Variants in PNPT1 observed in about 807,000 individuals in gnomAD.
The protein encoded by PNPT1 is polyribonucleotide nucleotidyltransferase 1, mitochondrial.
Under a neutral mutation model 119.5 loss-of-function variants are expected in PNPT1, and 53 were observed. The ratio of observed to expected loss-of-function variants is 0.44; its 90% CI spans 0.36 to 0.56. PNPT1 has a LOEUF of 0.56. Ranked by LOEUF, PNPT1 falls within the 20% of genes least tolerant of loss-of-function variation. The pLI, the probability that PNPT1 is intolerant of heterozygous loss-of-function variation, is 0.00. For missense variants in PNPT1, 948 were observed against 938.5 expected (o/e 1.01, Z -0.13); for synonymous variants, 357 against 322.1 (o/e 1.11, Z -1.16).
At chr2:55,692,803 T>C (rs1055146710) in intron 1 of PNPT1, among the ~76,000 whole-genome samples, 4 of 152,298 alleles carry the variant, frequency 2.6e-5, no homozygotes, top group African/African-American at 4.8e-5. Context: ...ATCAATTAGA[T>C]TGGATGACAT....
intron 5 of PNPT1, among the ~76,000 whole-genome samples, chr2:55,681,769 C>T (rs1381732986): frequency 6.9e-6 from 1 of 145,130 alleles, no homozygotes; most frequent in African/African-American, 2.6e-5. Context: ...CACTTGAACC[C>T]GGAGGCAGAG....
chr2:55,646,227 G>C, intron 21 of PNPT1, 32 bp downstream of exon 21: 2 of 1,575,462 alleles, frequency 1.3e-6, no homozygotes, highest in Non-Finnish European at 1.7e-6. Flanking sequence ...AAGTGGAAAA[G>C]AATGAAGGGA....
chr2:55,662,781 C>T (rs1696617493), intron 13 of PNPT1, among the ~76,000 whole-genome samples: 1 of 152,072 alleles, frequency 6.6e-6, no homozygotes, highest in Non-Finnish European at 1.5e-5. Context: ...CAGAAAACAA[C>T]CTACAATGAA....
At chr2:55,672,074 A>G (rs765378415) in intron 9 of PNPT1, 28 bp from the exon 10 acceptor site, 135 of 1,533,954 alleles carry the variant, frequency 8.8e-5, no homozygotes, top group Non-Finnish European at 4.1e-5. Context: ...AAATGTTAGC[A>G]TAATAATATC....
At chr2:55,665,190 T>C (rs1270529147) in intron 13 of PNPT1, among the ~76,000 whole-genome samples, 1 of 152,164 alleles carries the variant, frequency 6.6e-6, no homozygotes, top group Admixed American at 6.5e-5. Flanking sequence ...TCACAAGTCA[T>C]TGAGAAAAAT....
intron 1 of PNPT1, among the ~76,000 whole-genome samples, chr2:55,690,199 A>G (rs1697546617): frequency 6.6e-6 from 1 of 152,238 alleles, no homozygotes; most frequent in East Asian, 1.9e-4. Context: ...TGAAATAGGC[A>G]GCACTATTAG....
intron 13 of PNPT1, among the ~76,000 whole-genome samples, chr2:55,663,344 AGAGAG>A (rs1696639488): frequency 1.3e-5 from 2 of 152,252 alleles, no homozygotes; most frequent in African/African-American, 2.4e-5. Flanking sequence ...AATTTGCAGA[AGAGAG>A]GAAAGAGAAC....
chr2:55,636,933 T>C (rs1322255484), intron 27 of PNPT1, among the ~76,000 whole-genome samples: 1 of 152,184 alleles, frequency 6.6e-6, no homozygotes, highest in East Asian at 1.9e-4. Flanking sequence ...AGAGATACTA[T>C]ATCTTAGCAC....
intron 27 of PNPT1, 46 bp from the exon 28 acceptor site, chr2:55,636,438 G>A (rs1270249610): frequency 2.5e-6 from 4 of 1,586,468 alleles, no homozygotes; most frequent in Non-Finnish European, 3.5e-6. Context: ...AGCACATTGA[G>A]TGACATCTAA....
intron 5 of PNPT1, among the ~76,000 whole-genome samples, chr2:55,681,395 A>T (rs1160046888): frequency 6.6e-6 from 1 of 151,926 alleles, no homozygotes; most frequent in Non-Finnish European, 1.5e-5. Context: ...TGCCAGAGTG[A>T]GAATCTGTCT....
chr2:55,673,125 T>G, intron 8 of PNPT1, 46 bp from the exon 9 acceptor site: 1 of 1,413,884 alleles, frequency 7.1e-7, no homozygotes, highest in Non-Finnish European at 9.5e-7. Context: ...ATCGAAGCTC[T>G]TAGTAATATA....
intron 15 of PNPT1, among the ~76,000 whole-genome samples, chr2:55,659,521 CTTTT>C: frequency 6.9e-6 from 1 of 145,816 alleles, no homozygotes; most frequent in African/African-American, 2.5e-5. Context: ...ACAGGCATGA[CTTTT>C]TTTTTTTTAA....
intron 25 of PNPT1, 47 bp downstream of exon 25, chr2:55,643,111 C>A: frequency 6.2e-7 from 1 of 1,600,656 alleles, no homozygotes; most frequent in Non-Finnish European, 8.6e-7. Context: ...GAGACCCTGT[C>A]TCTAAAGAAA....
At position 55,646,277 on chromosome 2, in the gene PNPT1, C is replaced by A; in HGVS notation, c.1720G>T (p.Ala574Ser). The A allele has an allele frequency of 6.2e-6, 10 of 1,613,164 alleles. No homozygotes were observed. The highest frequency in any genetic ancestry group is 8.5e-6 in the Non-Finnish European group (10 of 1,179,382). ...AGCTCACCTGAAGCTTGTTGAATAG[C>A]CTCCATCACAATTTTTATTGGTATT... Reference protein sequence around the residue: ...PGIPIKIVMEAIQQASVAKKE... With the variant: ...PGIPIKIVMESIQQASVAKKE... The change falls in exon 21 of 28, where the codon GCT becomes TCT. Residue 574 changes from alanine (A) to serine (S), a missense_variant. Transcript: ENST00000447944.
intron 21 of PNPT1, among the ~76,000 whole-genome samples, chr2:55,646,047 C>G (rs1335180200): frequency 1.3e-5 from 2 of 152,014 alleles, no homozygotes; most frequent in Admixed American, 6.6e-5. Context: ...AGGCTGGTCT[C>G]GAACTCCTGA....
intron 18 of PNPT1, among the ~76,000 whole-genome samples, chr2:55,650,420 C>A (rs1033760439): frequency 2.0e-5 from 3 of 152,216 alleles, no homozygotes; most frequent in Non-Finnish European, 4.4e-5. Context: ...GCCGGGATTG[C>A]AGACGGAGTC....
At chr2:55,657,661 C>T (rs1231673993) in intron 15 of PNPT1, among the ~76,000 whole-genome samples, 1 of 151,418 alleles carries the variant, frequency 6.6e-6, no homozygotes, top group Non-Finnish European at 1.5e-5. Flanking sequence ...GCTGGGATTA[C>T]AGGCATGAGC....
intron 15 of PNPT1, among the ~76,000 whole-genome samples, chr2:55,657,342 AT>A (rs1696417741): frequency 1.3e-5 from 2 of 151,930 alleles, no homozygotes; most frequent in Admixed American, 1.3e-4. Context: ...GAAAAAAAAA[AT>A]TCCCCCAAAT....
chr2:55,684,823 T>C (rs1375015379), intron 4 of PNPT1, 120 bp downstream of exon 4: 2 of 1,237,480 alleles, frequency 1.6e-6, no homozygotes, highest in Non-Finnish European at 2.1e-6. Flanking sequence ...GTGAATAATC[T>C]TAGGTGGTGT....
Sources: gnomAD v4.1 joint callset for allele counts (sites outside exome capture counted in the v4.1 genomes callset) on GRCh38, gnomAD v4.1.1 for gene constraint, MANE v1.5 for transcripts, NCBI Gene and HGNC (gene_info 2026-07-23, HGNC 2026-07-21) for gene names.